Variants in STXBP5 observed in about 807,000 individuals in gnomAD.
STXBP5 encodes the protein syntaxin binding protein 5.
A neutral mutation model predicts 152.4 loss-of-function variants in STXBP5; 50 were observed. That is an observed-to-expected ratio of 0.33 (90% CI 0.26 to 0.42). STXBP5 has a LOEUF of 0.42. STXBP5 is among the 10% of genes least tolerant of loss of function. The pLI is 1.00. For synonymous variants in STXBP5, 492 were observed against 494.7 expected (o/e 0.99, Z 0.07); for missense variants, 1,167 against 1,388.6 (o/e 0.84, Z 2.54).
chr6:147,339,888 A>G (rs905756198), intron 21 of STXBP5, among the ~76,000 whole-genome samples: 1 of 151,988 alleles, frequency 6.6e-6, no homozygotes. Flanking sequence ...ACCGCAAGTA[A>G]AAAATGCATT....
At chr6:147,290,961 G>A in intron 8 of STXBP5, 133 bp from the exon 9 acceptor site, 1 of 585,992 alleles carries the variant, frequency 1.7e-6, no homozygotes, top group Non-Finnish European at 2.8e-6. Context: ...TGTATTAAAT[G>A]CCTCTTTCAG....
In STXBP5 at chr6:147,267,482, A is replaced by G. The variant is rs553866142; in HGVS notation, c.714+315A>G. Among the ~76,000 whole-genome samples, 10 of 152,258 alleles carry G rather than the reference A, an allele frequency of 6.6e-5. No homozygotes were observed. The East Asian group carries it at 9.7e-4, about 15-fold the overall frequency. On this transcript the variant is annotated intron_variant, in intron 7 of 27. Coordinates refer to ENST00000321680, the MANE Select transcript of STXBP5 (RefSeq NM_001127715.4). The stretch of plus-strand genomic sequence containing the variant: ...TTTTTTCTTTTGTACGAATGATAGT[A>G]TACTATAGACATTTATAATCCACTT...
intron 21 of STXBP5, among the ~76,000 whole-genome samples, chr6:147,345,876 T>C (rs989129208): frequency 6.6e-6 from 1 of 152,196 alleles, no homozygotes; most frequent in Admixed American, 6.5e-5. Context: ...TATAACTTCG[T>C]TATTCCTACT....
chr6:147,281,249 G>A (rs544261640), intron 8 of STXBP5, among the ~76,000 whole-genome samples: 2 of 152,100 alleles, frequency 1.3e-5, no homozygotes, highest in South Asian at 2.1e-4. Context: ...GTAGAGACAG[G>A]GTTTCACCAT....
chr6:147,313,833 A>G, intron 11 of STXBP5, 51 bp from the exon 12 acceptor site: 2 of 1,192,604 alleles, frequency 1.7e-6, no homozygotes, highest in Non-Finnish European at 1.1e-6. Context: ...TATTAATCAT[A>G]TGGTATAATT....
intron 2 of STXBP5, among the ~76,000 whole-genome samples, chr6:147,227,041 G>C (rs1777754022): frequency 6.6e-6 from 1 of 152,176 alleles, no homozygotes; most frequent in Non-Finnish European, 1.5e-5. Flanking sequence ...AAAGAAACCA[G>C]TGGTTATGGG....
At chr6:147,259,357 G>T (rs1195860008) in intron 4 of STXBP5, among the ~76,000 whole-genome samples, 1 of 152,056 alleles carries the variant, frequency 6.6e-6, no homozygotes, top group African/African-American at 2.4e-5. Flanking sequence ...GAGTAACAAA[G>T]TACTATCAAA....
At chr6:147,207,227 T>C (rs990562393) in intron 2 of STXBP5, among the ~76,000 whole-genome samples, 1 of 152,186 alleles carries the variant, frequency 6.6e-6, no homozygotes, top group East Asian at 1.9e-4. Context: ...TATATATATA[T>C]GTATAGATAG....
intron 26 of STXBP5, among the ~76,000 whole-genome samples, chr6:147,381,424 A>G (rs770165992): frequency 3.3e-5 from 5 of 152,156 alleles, no homozygotes; most frequent in Non-Finnish European, 7.4e-5. Context: ...ACCCTCATAT[A>G]TATTACTGGT....
chr6:147,252,998 A>ACCACAACCTTCTTTTT (rs1779175855), intron 4 of STXBP5, among the ~76,000 whole-genome samples: 7 of 152,140 alleles, frequency 4.6e-5, no homozygotes, highest in Admixed American at 3.3e-4. Context: ...CCTTTCAGAG[A>ACCACAACCTTCTTTTT]CACAACAAAA....
intron 9 of STXBP5, among the ~76,000 whole-genome samples, chr6:147,309,010 T>C (rs1428042627): frequency 1.3e-5 from 2 of 152,142 alleles, no homozygotes; most frequent in Non-Finnish European, 2.9e-5. Flanking sequence ...TTTATACATG[T>C]AGAAGCTAGG....
rs34913817 is a variant in STXBP5 at position 147,329,617 on chromosome 6, C to CTTTTTTTTTTTT, written c.2080+2356_2080+2367dup. On this transcript the variant is annotated intron_variant, in intron 18 of 27. Coordinates refer to ENST00000321680, the MANE Select transcript of STXBP5 (RefSeq NM_001127715.4). Reference sequence around the variant, plus strand: ...AAATATCATCAAATTGTTCTTCAGGCTTTTTTTTTTTTTTTTTTTTTTTTT... The same window carrying CTTTTTTTTTTTT: ...AAATATCATCAAATTGTTCTTCAGGCTTTTTTTTTTTTTTTTTTTTTTTTTTTTTTTTTTTTT... 2.5e-4 allele frequency among the ~76,000 whole-genome samples: 18 copies of CTTTTTTTTTTTT among 71,706 alleles called. 2 individuals carry two copies. Among genetic ancestry groups the CTTTTTTTTTTTT allele is most frequent in the Admixed American group, 1.3e-3 (5 of 3,940 alleles). The allele number at this position is 71,706 out of a possible 152,430, so 47.0% of individuals were successfully genotyped here.
intron 8 of STXBP5, among the ~76,000 whole-genome samples, chr6:147,279,182 A>G (rs989108411): frequency 3.3e-5 from 5 of 152,244 alleles, no homozygotes; most frequent in African/African-American, 1.2e-4. Flanking sequence ...CTGCATAAGT[A>G]GTACTTAACA....
chr6:147,248,471 AAGTC>A (rs767384418), intron 4 of STXBP5, among the ~76,000 whole-genome samples: 5 of 152,054 alleles, frequency 3.3e-5, no homozygotes, highest in Non-Finnish European at 5.9e-5. Flanking sequence ...AAGAAGACAA[AAGTC>A]AGTCATCAGG....
chr6:147,249,099 G>T (rs1778962682), intron 4 of STXBP5, among the ~76,000 whole-genome samples: 1 of 152,156 alleles, frequency 6.6e-6, no homozygotes, highest in Non-Finnish European at 1.5e-5. Context: ...CTTCCAGAAA[G>T]GGAGGCAGGA....
chr6:147,338,966 A>G (rs1350926948), intron 19 of STXBP5, among the ~76,000 whole-genome samples: 1 of 151,854 alleles, frequency 6.6e-6, no homozygotes, highest in Non-Finnish European at 1.5e-5. Flanking sequence ...TATATATACC[A>G]GGGTCTACCA....
intron 2 of STXBP5, among the ~76,000 whole-genome samples, chr6:147,233,393 T>A (rs1013539245): frequency 2.1e-4 from 32 of 151,808 alleles, no homozygotes; most frequent in African/African-American, 7.7e-4. Flanking sequence ...CTCTGATTTT[T>A]AGTTAATAGA....
At position 147,386,548 on chromosome 6, in the gene STXBP5, AT is replaced by A. The variant is rs973409514; in HGVS notation, c.*1799del. On this transcript the variant is annotated 3_prime_UTR_variant, in exon 28 of 28. Transcript: ENST00000321680. ...GATAATTGATCAAGCCAAAAGAAATATTTTTTAAATAAGCCCTTTTCAAAAG... is the reference window on the plus strand; with the variant it reads ...GATAATTGATCAAGCCAAAAGAAATATTTTTAAATAAGCCCTTTTCAAAAG... The A allele has an allele frequency of 1.3e-5, 2 of 151,852 alleles. No homozygotes were observed. Among genetic ancestry groups the A allele is most frequent in the Non-Finnish European group, 2.9e-5 (2 of 67,802 alleles). 9.4% of individuals were successfully genotyped at this position (151,852 alleles called of 1,614,324 possible).
At chr6:147,375,941 TTAAGAA>T (rs1234230864) in intron 26 of STXBP5, among the ~76,000 whole-genome samples, 1 of 152,124 alleles carries the variant, frequency 6.6e-6, no homozygotes, top group African/African-American at 2.4e-5. Context: ...CAAAAATTCT[TTAAGAA>T]TGAGACATTT....
Sources: gnomAD v4.1 joint callset for allele counts (sites outside exome capture counted in the v4.1 genomes callset) on GRCh38, gnomAD v4.1.1 for gene constraint, MANE v1.5 for transcripts, NCBI Gene and HGNC (gene_info 2026-07-23, HGNC 2026-07-21) for gene names.